Variants in FAM110B observed in about 807,000 individuals in gnomAD.
FAM110B encodes protein FAM110B.
In FAM110B, 6 loss-of-function variants were observed where a neutral mutation model predicts 20.4. That is an observed-to-expected ratio of 0.29 (90% CI 0.16 to 0.58). The LOEUF (loss-of-function observed/expected upper bound fraction) is 0.58. Ranked by LOEUF, FAM110B falls within the 20% of genes least tolerant of loss-of-function variation. The pLI is 0.90. For missense variants in FAM110B, 434 were observed against 498.2 expected (o/e 0.87, Z 1.23); for synonymous variants, 226 against 214.1 (o/e 1.06, Z -0.49).
At chr8:58,072,822 A>G (rs1805936522) in intron 2 of FAM110B, among the ~76,000 whole-genome samples, 1 of 152,226 alleles carries the variant, frequency 6.6e-6, no homozygotes, top group African/African-American at 2.4e-5. Context: ...TAAAAACTGA[A>G]GTCATTCCAT....
At chr8:58,099,334 A>G (rs1376290127) in intron 3 of FAM110B, among the ~76,000 whole-genome samples, 1 of 152,172 alleles carries the variant, frequency 6.6e-6, no homozygotes. Flanking sequence ...TTATAAGTAT[A>G]ATGAAACTAT....
intron 3 of FAM110B, among the ~76,000 whole-genome samples, chr8:58,084,793 C>T (rs910539285): frequency 3.3e-5 from 5 of 152,120 alleles, no homozygotes; most frequent in African/African-American, 1.2e-4. Context: ...TCACTCTTTA[C>T]CTATTCATGG....
chr8:58,054,574 A>T (rs1805514992), intron 2 of FAM110B, among the ~76,000 whole-genome samples: 1 of 152,218 alleles, frequency 6.6e-6, no homozygotes, highest in African/African-American at 2.4e-5. Flanking sequence ...GATACACAGA[A>T]ATAGGAAGAT....
At chr8:58,135,074 C>T (rs969384880) in intron 3 of FAM110B, among the ~76,000 whole-genome samples, 3 of 152,170 alleles carry the variant, frequency 2.0e-5, no homozygotes, top group African/African-American at 7.2e-5. Context: ...TGAAACAACA[C>T]TGTGATAAGG....
chr8:58,062,046 T>A (rs1805667897), intron 2 of FAM110B, among the ~76,000 whole-genome samples: 1 of 152,216 alleles, frequency 6.6e-6, no homozygotes, highest in Admixed American at 6.5e-5. Flanking sequence ...CACGATACAT[T>A]TTTTTTCTGT....
intron 3 of FAM110B, among the ~76,000 whole-genome samples, chr8:58,100,124 A>G (rs1806740098): frequency 6.6e-6 from 1 of 152,126 alleles, no homozygotes; most frequent in Admixed American, 6.5e-5. Context: ...TCTTTTGGAA[A>G]TCAGAGACTG....
At chr8:58,141,824 C>T (rs1286750898) in intron 3 of FAM110B, among the ~76,000 whole-genome samples, 1 of 152,174 alleles carries the variant, frequency 6.6e-6, no homozygotes, top group Non-Finnish European at 1.5e-5. Context: ...GCGGGGGGCT[C>T]CTTTCCGAAG....
At chr8:58,040,048 C>G (rs552590843) in intron 2 of FAM110B, among the ~76,000 whole-genome samples, 1 of 152,022 alleles carries the variant, frequency 6.6e-6, no homozygotes, top group South Asian at 2.1e-4. Context: ...GACAGCCTCT[C>G]ACTGTGTTAC....
In FAM110B at chr8:58,118,411, A is replaced by C. The variant is rs1807271548; in HGVS notation, c.-324-27496A>C. Among the ~76,000 whole-genome samples the C allele has an allele frequency of 2.0e-5, 3 of 152,230 alleles. No homozygotes were observed. The South Asian group carries it at 6.2e-4, about 31-fold the overall frequency. ...ATTAGGATTTCACTCTTCCCATCCC[A>C]AAACGGGTTATCTTTTTTGAAGGGG... On this transcript the variant is annotated intron_variant, in intron 3 of 3. Coordinates refer to ENST00000519262, the MANE Select transcript of FAM110B (RefSeq NM_001377989.1).
At chr8:58,050,289 A>G (rs138359632) in intron 2 of FAM110B, among the ~76,000 whole-genome samples, 1,963 of 152,164 alleles carry the variant, frequency 0.013, 46 homozygotes, top group African/African-American at 0.044. Flanking sequence ...TACTTTTTGC[A>G]TGAACAAACA....
At chr8:58,102,184 C>T (rs146751081) in intron 3 of FAM110B, among the ~76,000 whole-genome samples, 90 of 152,326 alleles carry the variant, frequency 5.9e-4, no homozygotes, top group Non-Finnish European at 1.1e-3. Context: ...AACTTTGGAA[C>T]GGCTTCAGTG....
At chr8:58,018,489 C>T (rs1804680512) in intron 1 of FAM110B, among the ~76,000 whole-genome samples, 1 of 151,686 alleles carries the variant, frequency 6.6e-6, no homozygotes, top group African/African-American at 2.4e-5. Context: ...TTTAGTATAC[C>T]TCATCTTTAT....
chr8:58,006,622 A>G (rs1467180765), intron 1 of FAM110B, among the ~76,000 whole-genome samples: 1 of 150,306 alleles, frequency 6.7e-6, no homozygotes. Context: ...TTTTTTTTCA[A>G]TGCAGGGTCT....
intron 2 of FAM110B, among the ~76,000 whole-genome samples, chr8:58,038,902 G>C (rs1805143768): frequency 6.6e-6 from 1 of 152,234 alleles, no homozygotes; most frequent in Non-Finnish European, 1.5e-5. Context: ...CTGTGTGTTT[G>C]TGTTTGCTCA....
chr8:58,110,754 T>A (rs1219448693), intron 3 of FAM110B, among the ~76,000 whole-genome samples: 1 of 152,174 alleles, frequency 6.6e-6, no homozygotes, highest in East Asian at 1.9e-4. Context: ...ATATTTATAA[T>A]TATTTATATC....
chr8:58,145,434 G>A (rs1421374789), intron 3 of FAM110B, among the ~76,000 whole-genome samples: 2 of 152,136 alleles, frequency 1.3e-5, no homozygotes, highest in Non-Finnish European at 2.9e-5. Context: ...GTAGTACAGA[G>A]GGAGAAGTTT....
At chr8:58,021,456 A>T (rs1233806695) in intron 1 of FAM110B, among the ~76,000 whole-genome samples, 2 of 152,166 alleles carry the variant, frequency 1.3e-5, no homozygotes, top group African/African-American at 4.8e-5. Context: ...GCCAGAAAAC[A>T]TGAAAAGTTA....
At chr8:58,140,201 T>A (rs1803709726) in intron 3 of FAM110B, among the ~76,000 whole-genome samples, 1 of 152,148 alleles carries the variant, frequency 6.6e-6, no homozygotes, top group Non-Finnish European at 1.5e-5. Context: ...CCTCAACATG[T>A]ACCTCCTCAC....
chr8:58,088,428 A>G (rs1049601544), intron 3 of FAM110B, among the ~76,000 whole-genome samples: 15 of 152,226 alleles, frequency 9.9e-5, no homozygotes, highest in African/African-American at 3.6e-4. Context: ...AGAATTCTGA[A>G]TTCAACGAAA....
Sources: allele counts gnomAD v4.1 joint callset (sites outside exome capture counted in the v4.1 genomes callset), GRCh38; gene constraint gnomAD v4.1.1; transcripts MANE v1.5; gene names NCBI Gene and HGNC (gene_info 2026-07-23, HGNC 2026-07-21).